The following ZRANB3 variants were observed in gnomAD, a reference collection of about 807,000 sequenced individuals.
The protein encoded by ZRANB3 is zinc finger RANBP2-type containing 3.
A neutral mutation model predicts 133.8 loss-of-function variants in ZRANB3; 125 were observed. The observed-to-expected ratio is 0.93, with a 90% CI of 0.81 to 1.08. The LOEUF is 1.08. Among genes scored for constraint, ZRANB3 ranks in the 50% least tolerant of loss-of-function variants. The pLI is 0.00. For synonymous variants in ZRANB3, 387 were observed against 432.7 expected (o/e 0.89, Z 1.31); for missense variants, 1,229 against 1,275.5 (o/e 0.96, Z 0.56).
In ZRANB3 at chr2:135,247,557, T is replaced by A. The variant is rs115413334; in HGVS notation, c.1540-16630A>T. Among the ~76,000 whole-genome samples, 500 of 152,310 alleles carry A rather than the reference T, an allele frequency of 3.3e-3. 3 individuals are homozygous for A. The highest frequency in any genetic ancestry group is 0.011 in the African/African-American group (470 of 41,576). On this transcript the variant is annotated intron_variant, in intron 12 of 20. Transcript: ENST00000264159. ...GAAAACGTTATTACTTATTATTATT[T>A]TTTTTTAGAGACATGGTCTTAGCCA...
chr2:135,479,605 G>A (rs932563886), intron 2 of ZRANB3, among the ~76,000 whole-genome samples: 1 of 152,096 alleles, frequency 6.6e-6, no homozygotes, highest in African/African-American at 2.4e-5. Flanking sequence ...GGCGGAGGTT[G>A]CAGTGAGCCG....
intron 6 of ZRANB3, among the ~76,000 whole-genome samples, chr2:135,315,757 AC>A (rs1157962540): frequency 1.3e-5 from 2 of 152,212 alleles, no homozygotes; most frequent in Non-Finnish European, 2.9e-5. Context: ...TACTGTTTAC[AC>A]TGAGTTAATG....
At chr2:135,521,669 A>G (rs781465456) in intron 1 of ZRANB3, among the ~76,000 whole-genome samples, 1 of 152,188 alleles carries the variant, frequency 6.6e-6, no homozygotes, top group Non-Finnish European at 1.5e-5. Flanking sequence ...ACACAACACA[A>G]TGCGATAAGT....
rs184428333 is a variant in ZRANB3, at chr2:135,390,882, G to T, written c.162-62C>A. 104 of 1,439,996 alleles carry T rather than the reference G, an allele frequency of 7.2e-5. No homozygotes were observed. In the African/African-American group the frequency reaches 1.5e-3, roughly 20 times the overall value. 89.2% of individuals were successfully genotyped at this position (1,439,996 alleles called of 1,614,324 possible). A position where few individuals can be genotyped will look rare whatever the true frequency, so the allele number is the denominator to read the frequency against. On this transcript the variant is annotated intron_variant, in intron 2 of 20. Coordinates refer to ENST00000264159, the MANE Select transcript of ZRANB3 (RefSeq NM_032143.4). ...TGAACCTTTTTCCTTTTTTTTTTGA[G>T]ATGGAGTCTCGCTCTGTCACCAGGC...
rs187110085 is a variant in ZRANB3 at position 135,275,372 on chromosome 2, C to A, written c.1086+264G>T. Among the ~76,000 whole-genome samples the A allele has an allele frequency of 7.8e-3, 1,145 of 146,580 alleles. 35 individuals carry two copies. Among genetic ancestry groups the A allele is most frequent in the Admixed American group, 0.063 (927 of 14,744 alleles). On this transcript the variant is annotated intron_variant, in intron 9 of 20. Transcript: ENST00000264159. ...ACCCCCACCTCCCTCCCAGATGGGGCGGCTGGCATGGCAGCATATCTTTAA... is the reference window on the plus strand; with the variant it reads ...ACCCCCACCTCCCTCCCAGATGGGGAGGCTGGCATGGCAGCATATCTTTAA...
chr2:135,446,896 C>T (rs1246465695), intron 2 of ZRANB3, among the ~76,000 whole-genome samples: 1 of 151,938 alleles, frequency 6.6e-6, no homozygotes, highest in Non-Finnish European at 1.5e-5. Context: ...TTGATAATTC[C>T]TTCAATTTAA....
At chr2:135,481,494 C>A (rs909860966) in intron 2 of ZRANB3, among the ~76,000 whole-genome samples, 5 of 152,096 alleles carry the variant, frequency 3.3e-5, no homozygotes, top group Middle Eastern at 3.2e-3. Flanking sequence ...TGTTTGAGTT[C>A]ATTGTAGATT....
In ZRANB3 at chr2:135,390,811, C is replaced by T. The variant is rs1403026363; in HGVS notation, c.171G>A (p.Val57=). 1.3e-6 allele frequency: 2 copies of T among 1,514,934 alleles called. No homozygotes were observed. The highest frequency in any genetic ancestry group is 2.4e-5 in the East Asian group (1 of 41,098). The allele number at this position is 1,514,934 out of a possible 1,614,324, so 93.8% of individuals were successfully genotyped here. The change falls in exon 3 of 21, where the codon GTG becomes GTA. Residue 57 remains valine (V), a synonymous_variant. Transcript: ENST00000264159. ...CCATTGAAACACTTACTTCATCAGC[C>T]ACCATACACCTGGAAAAAAAAAAAA... ...FALKRNGRCM[V]ADEMGLGKTI...
In ZRANB3 at chr2:135,198,201, A is replaced by G. The variant is rs1693482618; in HGVS notation, c.*2141T>C. 6.6e-6 allele frequency: 1 copy of G among 152,006 alleles called. No individual in the cohort carries two copies. The highest frequency in any genetic ancestry group is 6.6e-5 in the Admixed American group (1 of 15,264). 9.4% of individuals were successfully genotyped at this position (152,006 alleles called of 1,614,324 possible). On this transcript the variant is annotated 3_prime_UTR_variant, in exon 21 of 21. Transcript: ENST00000264159. ...CCTCTGTCATAACCTCCCATTTGCA[A>G]TACATAGTGGGGAGCTTCTGTTTCA...
chr2:135,400,874 C>T (rs1161159790), intron 2 of ZRANB3, among the ~76,000 whole-genome samples: 2 of 152,104 alleles, frequency 1.3e-5, no homozygotes, highest in Non-Finnish European at 2.9e-5. Flanking sequence ...CCTGGTTTGG[C>T]CTACGGACAG....
At chr2:135,511,450 C>G (rs902168938) in intron 1 of ZRANB3, 3 of 826,724 alleles carry the variant, frequency 3.6e-6, no homozygotes, top group Non-Finnish European at 6.5e-6. Context: ...TCAGGTACCA[C>G]CTGAGGTGTT....
chr2:135,500,991 A>C (rs905042427), intron 2 of ZRANB3, among the ~76,000 whole-genome samples: 29 of 152,196 alleles, frequency 1.9e-4, no homozygotes, highest in African/African-American at 7.0e-4. Context: ...ATATTTGAAG[A>C]GGGAATAGCT....
chr2:135,236,878 G>A lies in ZRANB3; in HGVS notation c.1540-5951C>T, dbSNP rs184572664. 1.8e-4 allele frequency among the ~76,000 whole-genome samples: 27 copies of A among 152,278 alleles called. No homozygotes were observed. In the East Asian group the frequency reaches 5.2e-3, roughly 29 times the overall value. On this transcript the variant is annotated intron_variant, in intron 12 of 20. Transcript: ENST00000264159. ...GCAATACCATTCAGGACACAGGCAT[G>A]GGCAAGGACTTCATGTCTAAAACAC...
chr2:135,311,918 C>T (rs1682995116), intron 8 of ZRANB3, among the ~76,000 whole-genome samples: 1 of 152,066 alleles, frequency 6.6e-6, no homozygotes, highest in African/African-American at 2.4e-5. Flanking sequence ...ATTTTTGTGA[C>T]ATTCTGGAAA....
At chr2:135,427,022 C>T (rs1348347047) in intron 2 of ZRANB3, among the ~76,000 whole-genome samples, 1 of 149,788 alleles carries the variant, frequency 6.7e-6, no homozygotes, top group Non-Finnish European at 1.5e-5. Flanking sequence ...CATCACTTCA[C>T]ATTAAAAACT....
intron 8 of ZRANB3, among the ~76,000 whole-genome samples, chr2:135,308,557 TTTTC>T (rs538023358): frequency 2.3e-4 from 35 of 152,210 alleles, no homozygotes; most frequent in Non-Finnish European, 4.3e-4. Context: ...TTGTGATCTT[TTTTC>T]TTTCTTTTTT....
chr2:135,212,322 T>C (rs1021145948), intron 17 of ZRANB3, among the ~76,000 whole-genome samples: 2 of 152,188 alleles, frequency 1.3e-5, no homozygotes, highest in African/African-American at 2.4e-5. Context: ...CCTTGAAAAA[T>C]GCACTTTGGG....
chr2:135,446,970 T>C (rs1690049997), intron 2 of ZRANB3, among the ~76,000 whole-genome samples: 1 of 152,144 alleles, frequency 6.6e-6, no homozygotes, highest in Non-Finnish European at 1.5e-5. Context: ...TTTAACCTCT[T>C]GGGTTGTTCT....
chr2:135,202,171 T>G (rs1432000155), intron 20 of ZRANB3, among the ~76,000 whole-genome samples: 2 of 152,210 alleles, frequency 1.3e-5, no homozygotes, highest in African/African-American at 4.8e-5. Flanking sequence ...AAGTTATGAA[T>G]GGTTAGAGTA....
Sources: allele counts gnomAD v4.1 joint callset (sites outside exome capture counted in the v4.1 genomes callset), GRCh38; gene constraint gnomAD v4.1.1; transcripts MANE v1.5; gene names NCBI Gene and HGNC (gene_info 2026-07-23, HGNC 2026-07-21).